The following AAGAB variants were observed in gnomAD, a reference collection of about 807,000 sequenced individuals.
AAGAB encodes the protein alpha and gamma adaptin binding protein.
AAGAB carries 38 observed loss-of-function variants against 44.1 expected under a neutral mutation model. The observed-to-expected ratio is 0.86, with a 90% CI of 0.67 to 1.13. The LOEUF is 1.13. AAGAB is among the 50% of genes most tolerant of loss of function. The pLI is 0.00. For synonymous variants in AAGAB, 131 were observed against 131.8 expected (o/e 0.99, Z 0.04); for missense variants, 450 against 373.8 (o/e 1.20, Z -1.68).
chr15:67,253,756 T>TA (rs34153830), intron 1 of AAGAB, among the ~76,000 whole-genome samples: 6,606 of 142,682 alleles, frequency 0.046, 235 homozygotes, highest in East Asian at 0.19. Flanking sequence ...CCCGTCTCTT[T>TA]AAAAAAAAAA....
At chr15:67,211,229 T>A (rs1963811921) in intron 5 of AAGAB, among the ~76,000 whole-genome samples, 1 of 152,212 alleles carries the variant, frequency 6.6e-6, no homozygotes, top group Admixed American at 6.5e-5. Flanking sequence ...AAGGCTACCT[T>A]GGTCTGGGCA....
intron 7 of AAGAB, among the ~76,000 whole-genome samples, chr15:67,205,696 T>C (rs972815602): frequency 1.3e-5 from 2 of 152,176 alleles, no homozygotes; most frequent in Non-Finnish European, 2.9e-5. Context: ...TTTAGCGGCA[T>C]GGAGGTCATT....
At chr15:67,247,950 G>T (rs1470278805) in intron 1 of AAGAB, among the ~76,000 whole-genome samples, 1 of 152,144 alleles carries the variant, frequency 6.6e-6, no homozygotes, top group African/African-American at 2.4e-5. Context: ...TTGCTAAGTT[G>T]ACCATATTTT....
intron 1 of AAGAB, among the ~76,000 whole-genome samples, chr15:67,244,420 T>A (rs978143193): frequency 6.6e-6 from 1 of 151,932 alleles, no homozygotes; most frequent in African/African-American, 2.4e-5. Context: ...GGAGAAAATG[T>A]TTGCAAATTA....
At chr15:67,234,554 T>C (rs1964419170) in intron 4 of AAGAB, among the ~76,000 whole-genome samples, 1 of 152,222 alleles carries the variant, frequency 6.6e-6, no homozygotes, top group African/African-American at 2.4e-5. Flanking sequence ...ATAATTTGTA[T>C]TTTAAAAGTC....
intron 7 of AAGAB, among the ~76,000 whole-genome samples, chr15:67,205,571 C>G (rs557416553): frequency 5.3e-5 from 8 of 152,190 alleles, no homozygotes; most frequent in African/African-American, 1.9e-4. Flanking sequence ...AGGAAGAAAA[C>G]CAGGCGACAC....
rs1428332694 is a variant in AAGAB, at chr15:67,254,549, A to G, written c.73+10T>C. 3.7e-6 allele frequency: 6 copies of G among 1,603,448 alleles called. No homozygotes were observed. In the African/African-American group the frequency reaches 5.3e-5, roughly 14 times the overall value. On this transcript the variant is annotated intron_variant, in intron 1 of 9. Transcript: ENST00000261880. Reference sequence around the variant, plus strand: ...GCCTTGGAGGTCGGCCCAGGCGCCTATCTACTCACGTTGGACCAGCTGGTC... The same window carrying G: ...GCCTTGGAGGTCGGCCCAGGCGCCTGTCTACTCACGTTGGACCAGCTGGTC...
chr15:67,254,760 C>G (rs1034900836), upstream of AAGAB: 1 of 1,317,570 alleles, frequency 7.6e-7, no homozygotes, highest in Non-Finnish European at 1.1e-6. Flanking sequence ...TGACCCCGCC[C>G]CTAGACCCCC....
intron 1 of AAGAB, among the ~76,000 whole-genome samples, chr15:67,248,566 T>G (rs571633898): frequency 1.3e-5 from 2 of 152,374 alleles, no homozygotes; most frequent in South Asian, 4.1e-4. Flanking sequence ...ATTCTGTTGC[T>G]AGACAATGGT....
intron 1 of AAGAB, among the ~76,000 whole-genome samples, chr15:67,250,587 A>G (rs1406235568): frequency 2.6e-5 from 4 of 152,240 alleles, no homozygotes; most frequent in South Asian, 2.1e-4. Flanking sequence ...ATAAATATTC[A>G]TCAGAATATA....
chr15:67,235,117 C>G (rs1016961377), intron 4 of AAGAB, among the ~76,000 whole-genome samples: 5 of 152,172 alleles, frequency 3.3e-5, no homozygotes, highest in Admixed American at 6.5e-5. Context: ...ACAATGCCAC[C>G]TCTCCAGCAG....
chr15:67,243,764 G>A (rs761546130), intron 1 of AAGAB, among the ~76,000 whole-genome samples: 7 of 152,198 alleles, frequency 4.6e-5, no homozygotes, highest in Non-Finnish European at 8.8e-5. Flanking sequence ...TTGAAGAGCT[G>A]AAACTAGTCA....
At chr15:67,210,425 A>T (rs1963789640) in intron 5 of AAGAB, among the ~76,000 whole-genome samples, 1 of 151,954 alleles carries the variant, frequency 6.6e-6, no homozygotes, top group South Asian at 2.1e-4. Flanking sequence ...CTGAGGCAGG[A>T]GAATCGCTTG....
chr15:67,214,321 A>G (rs1963891205), intron 5 of AAGAB, among the ~76,000 whole-genome samples: 1 of 152,356 alleles, frequency 6.6e-6, no homozygotes, highest in Non-Finnish European at 1.5e-5. Flanking sequence ...GCCCAGCCCT[A>G]TAACTCCTTG....
At chr15:67,213,732 G>A (rs1037757152) in intron 5 of AAGAB, among the ~76,000 whole-genome samples, 1 of 152,082 alleles carries the variant, frequency 6.6e-6, no homozygotes, top group African/African-American at 2.4e-5. Flanking sequence ...TACGCAGTAG[G>A]TATAACAATA....
Position 67,202,884 on chromosome 15 carries a change from G to C in AAGAB, c.885C>G (p.Phe295Leu). ...CTCTGTCTCCCCCGATTGCCATCCA[G>C]AATGCTTTGGCCACCTGTGGAGAGA... The part of the protein sequence containing the change: ...KVHAEKVAKA[F>L]WMAIGGDRDE... The change falls in exon 10 of 10, where the codon TTC becomes TTG. Residue 295 changes from phenylalanine to leucine, a missense_variant. Phe to Leu is a conservative substitution (Grantham distance 22, BLOSUM62 0). Coordinates refer to ENST00000261880, the MANE Select transcript of AAGAB (RefSeq NM_024666.5). 2 of 1,614,090 alleles carry C rather than the reference G, an allele frequency of 1.2e-6. No individual in the cohort carries two copies. Among genetic ancestry groups the C allele is most frequent in the East Asian group, 4.5e-5 (2 of 44,884 alleles).
intron 5 of AAGAB, among the ~76,000 whole-genome samples, chr15:67,226,303 T>A (rs535612013): frequency 3.8e-4 from 58 of 152,220 alleles, no homozygotes; most frequent in African/African-American, 1.4e-3. Flanking sequence ...AATTTTTTTG[T>A]AGAGACAGAG....
intron 1 of AAGAB, among the ~76,000 whole-genome samples, chr15:67,250,321 C>A (rs574584882): frequency 6.6e-6 from 1 of 152,208 alleles, no homozygotes; most frequent in East Asian, 1.9e-4. Context: ...GGATTATAGG[C>A]ACGCACCACC....
intron 5 of AAGAB, among the ~76,000 whole-genome samples, chr15:67,229,213 C>A (rs1964275079): frequency 1.3e-5 from 2 of 152,134 alleles, no homozygotes; most frequent in South Asian, 4.1e-4. Context: ...GTGGGCAGAT[C>A]ACGAGGTCAA....
Sources: allele counts gnomAD v4.1 joint callset (sites outside exome capture counted in the v4.1 genomes callset), GRCh38; gene constraint gnomAD v4.1.1; transcripts MANE v1.5; gene names NCBI Gene and HGNC (gene_info 2026-07-23, HGNC 2026-07-21).